GRID2: variants seen among roughly 807,000 people sequenced by gnomAD.
GRID2 encodes glutamate receptor ionotropic, delta-2.
A neutral mutation model predicts 114.8 loss-of-function variants in GRID2; 33 were observed. That is an observed-to-expected ratio of 0.29 (90% confidence interval 0.22 to 0.38). The LOEUF (loss-of-function observed/expected upper bound fraction) is 0.38. GRID2 is among the 10% of genes least tolerant of loss of function. GRID2 has a pLI of 1.00. For synonymous variants in GRID2, 505 were observed against 449.9 expected (o/e 1.12, Z -1.55); for missense variants, 1,184 against 1,257.7 (o/e 0.94, Z 0.89).
intron 8 of GRID2, among the ~76,000 whole-genome samples, chr4:93,351,895 T>G (rs1289059898): frequency 6.6e-6 from 1 of 151,996 alleles, no homozygotes; most frequent in Non-Finnish European, 1.5e-5. Flanking sequence ...ATAAGCTCCT[T>G]GAAGTCAGGG....
chr4:93,297,604 TTATC>T lies in GRID2; in HGVS notation c.1245+59121_1245+59124del, dbSNP rs1754451505. On this transcript the variant is annotated intron_variant, in intron 8 of 15. Transcript: ENST00000282020. Reference sequence around the variant, plus strand: ...GATTTATAATCTTGAAGTAATTATTTTATCTATCTACTCATCTGGAAAACTGGGC... The same window carrying T: ...GATTTATAATCTTGAAGTAATTATTTTATCTACTCATCTGGAAAACTGGGC... Among the ~76,000 whole-genome samples the T allele has an allele frequency of 2.6e-5, 4 of 152,286 alleles. No individual in the cohort carries two copies. In the South Asian group the frequency reaches 8.3e-4, roughly 32 times the overall value.
chr4:92,872,886 G>A (rs772121002), intron 2 of GRID2, among the ~76,000 whole-genome samples: 3 of 152,190 alleles, frequency 2.0e-5, no homozygotes, highest in African/African-American at 7.2e-5. Flanking sequence ...GAAATAATGC[G>A]GTAATTTTTG....
At chr4:92,998,253 ATCTT>A (rs1294467094) in intron 2 of GRID2, among the ~76,000 whole-genome samples, 3 of 152,054 alleles carry the variant, frequency 2.0e-5, no homozygotes, top group Admixed American at 6.6e-5. Flanking sequence ...TAAAATAACT[ATCTT>A]TCCTTGGTTA....
At chr4:92,675,511 C>G (rs1195344618) in intron 2 of GRID2, among the ~76,000 whole-genome samples, 2 of 151,118 alleles carry the variant, frequency 1.3e-5, no homozygotes, top group Admixed American at 6.6e-5. Context: ...TCACTATTCT[C>G]TTTGCCCACT....
intron 8 of GRID2, among the ~76,000 whole-genome samples, chr4:93,334,602 TAAG>T (rs1758840910): frequency 1.3e-5 from 2 of 152,194 alleles, no homozygotes; most frequent in Admixed American, 6.5e-5. Flanking sequence ...GCATTGGGTT[TAAG>T]AAGAACAAAC....
At position 92,449,710 on chromosome 4, in the gene GRID2, T is replaced by TATATATATATATAA. The variant is rs1266661271; in HGVS notation, c.89-140420_89-140419insTATATATATATAAA. Among the ~76,000 whole-genome samples, 220 of 131,632 alleles carry TATATATATATATAA rather than the reference T, an allele frequency of 1.7e-3. 2 individuals are homozygous for TATATATATATATAA. The highest frequency in any genetic ancestry group is 6.3e-3 in the African/African-American group (216 of 34,314). 86.4% of individuals were successfully genotyped at this position (131,632 alleles called of 152,430 possible). A position where few individuals can be genotyped will look rare whatever the true frequency, so the allele number is the denominator to read the frequency against. ...ATATATATATATATATATATATATA[T>TATATATATATATAA]AACACTTAAGCCAAATTCATTTATA... On this transcript the variant is annotated intron_variant, in intron 1 of 15. Coordinates refer to ENST00000282020, the MANE Select transcript of GRID2 (RefSeq NM_001510.4).
chr4:93,442,275 C>T (rs574764884), intron 10 of GRID2, among the ~76,000 whole-genome samples: 9 of 152,130 alleles, frequency 5.9e-5, no homozygotes, highest in South Asian at 4.1e-4. Context: ...TTTCAGTCAG[C>T]GATTGCTCCT....
At chr4:92,311,014 CTGAT>C (rs544767725) in intron 1 of GRID2, among the ~76,000 whole-genome samples, 17 of 152,150 alleles carry the variant, frequency 1.1e-4, no homozygotes, top group African/African-American at 3.1e-4. Flanking sequence ...TAACTAGTAT[CTGAT>C]TGAGAGAGCT....
intron 1 of GRID2, among the ~76,000 whole-genome samples, chr4:92,405,705 A>C (rs564561576): frequency 7.1e-6 from 1 of 140,482 alleles, no homozygotes; most frequent in Non-Finnish European, 1.5e-5. Flanking sequence ...TAAAAGTTAC[A>C]TTCAGTAATA....
chr4:92,964,203 C>G (rs988055349), intron 2 of GRID2, among the ~76,000 whole-genome samples: 10 of 151,908 alleles, frequency 6.6e-5, no homozygotes, highest in Non-Finnish European at 5.9e-5. Context: ...CTGCATTAGC[C>G]CCTAACAAGA....
At chr4:92,455,546 A>T (rs1721168985) in intron 1 of GRID2, among the ~76,000 whole-genome samples, 1 of 152,136 alleles carries the variant, frequency 6.6e-6, no homozygotes. Flanking sequence ...ATGAGGTGTG[A>T]GCGAGAGGGA....
intron 2 of GRID2, among the ~76,000 whole-genome samples, chr4:92,771,064 G>C (rs1464331712): frequency 2.7e-5 from 4 of 150,376 alleles, no homozygotes; most frequent in Non-Finnish European, 6.0e-5. Context: ...CAATACCTAA[G>C]GTGTGTTAAG....
rs562395409 is a variant in GRID2, at chr4:92,906,889, G to C, written c.245-178106G>C. Among the ~76,000 whole-genome samples the C allele has an allele frequency of 2.0e-5, 3 of 152,150 alleles. No individual in the cohort carries two copies. The South Asian group carries it at 6.2e-4, about 32-fold the overall frequency. On this transcript the variant is annotated intron_variant, in intron 2 of 15. Transcript: ENST00000282020. ...TTTACTACTCAAAGTGTTGGCCTTG[G>C]ACTAGCAGCATAGCTTCACTCTGGA... is the stretch of plus-strand genomic sequence containing the variant.
At chr4:92,416,294 C>G (rs1431238808) in intron 1 of GRID2, among the ~76,000 whole-genome samples, 1 of 152,204 alleles carries the variant, frequency 6.6e-6, no homozygotes, top group South Asian at 2.1e-4. Flanking sequence ...CTTGTAGATT[C>G]TGGATATTCG....
At chr4:92,457,526 C>T (rs1157398365) in intron 1 of GRID2, among the ~76,000 whole-genome samples, 1 of 152,076 alleles carries the variant, frequency 6.6e-6, no homozygotes, top group Non-Finnish European at 1.5e-5. Context: ...ACAAGTCGGA[C>T]TTAAGTATTT....
chr4:92,659,616 C>T (rs1435014402), intron 2 of GRID2, among the ~76,000 whole-genome samples: 2 of 151,306 alleles, frequency 1.3e-5, no homozygotes, highest in African/African-American at 4.8e-5. Flanking sequence ...TCTTCCTGAT[C>T]AATACTTTAG....
At chr4:92,420,289 T>C (rs1014473916) in intron 1 of GRID2, among the ~76,000 whole-genome samples, 1 of 152,200 alleles carries the variant, frequency 6.6e-6, no homozygotes, top group East Asian at 1.9e-4. Context: ...ATTATTACCA[T>C]AAACTTTTAA....
intron 2 of GRID2, among the ~76,000 whole-genome samples, chr4:93,076,728 C>T (rs2149312282): frequency 6.6e-6 from 1 of 151,046 alleles, no homozygotes; most frequent in South Asian, 2.1e-4. Flanking sequence ...AGCAATTCTC[C>T]TGCCTCAACC....
At chr4:92,704,892 T>G (rs1444033797) in intron 2 of GRID2, among the ~76,000 whole-genome samples, 2 of 151,934 alleles carry the variant, frequency 1.3e-5, no homozygotes, top group African/African-American at 2.4e-5. Flanking sequence ...GGCTATTAGA[T>G]TCACTTGTAT....
Sources: gnomAD v4.1 joint callset for allele counts (sites outside exome capture counted in the v4.1 genomes callset) on GRCh38, gnomAD v4.1.1 for gene constraint, MANE v1.5 for transcripts, NCBI Gene and HGNC (gene_info 2026-07-23, HGNC 2026-07-21) for gene names.